The following LRFN2 variants were observed in gnomAD, a reference collection of about 807,000 sequenced individuals.
The protein encoded by LRFN2 is leucine-rich repeat and fibronectin type-III domain-containing protein 2.
LRFN2 carries 18 observed loss-of-function variants against 37.3 expected under a neutral mutation model. The observed-to-expected ratio is 0.48, with a 90% CI of 0.33 to 0.72. The LOEUF (loss-of-function observed/expected upper bound fraction) is 0.72, where lower values mean the gene tolerates loss of function less well. Ranked by LOEUF, LRFN2 falls within the 30% of genes least tolerant of loss-of-function variation. The pLI, the probability that LRFN2 is intolerant of heterozygous loss-of-function variation, is 0.02. For synonymous variants in LRFN2, 556 were observed against 466.6 expected (o/e 1.19, Z -2.47); for missense variants, 1,006 against 1,060.7 (o/e 0.95, Z 0.72).
chr6:40,571,047 C>T (rs941531894), intron 1 of LRFN2, among the ~76,000 whole-genome samples: 1 of 152,182 alleles, frequency 6.6e-6, no homozygotes, highest in Non-Finnish European at 1.5e-5. Flanking sequence ...TAGCAAGAGG[C>T]CCCGGAAGCA....
At chr6:40,476,832 A>G (rs11967696) in intron 1 of LRFN2, among the ~76,000 whole-genome samples, 21,315 of 152,220 alleles carry the variant, frequency 0.14, 3,391 homozygotes, top group African/African-American at 0.39. Flanking sequence ...TTGGTGGCCC[A>G]ATGGACATCT....
intron 1 of LRFN2, among the ~76,000 whole-genome samples, chr6:40,516,136 C>T (rs1765865293): frequency 6.6e-6 from 1 of 152,006 alleles, no homozygotes; most frequent in Admixed American, 6.6e-5. Context: ...ATTACTTAGA[C>T]TCAAACTCTG....
intron 1 of LRFN2, among the ~76,000 whole-genome samples, chr6:40,562,831 T>TCACACACACACA (rs71543995): frequency 9.0e-5 from 13 of 144,048 alleles, no homozygotes; most frequent in African/African-American, 1.9e-4. Context: ...GTGCGTGCAC[T>TCACACACACACA]CACTCACACA....
chr6:40,505,315 A>G (rs1765503645), intron 1 of LRFN2, among the ~76,000 whole-genome samples: 1 of 152,158 alleles, frequency 6.6e-6, no homozygotes, highest in Non-Finnish European at 1.5e-5. Flanking sequence ...TTGCTTTTTA[A>G]TCATCCTCTA....
At chr6:40,579,637 C>T (rs907849510) in intron 1 of LRFN2, among the ~76,000 whole-genome samples, 4 of 151,560 alleles carry the variant, frequency 2.6e-5, no homozygotes, top group African/African-American at 7.3e-5. Context: ...CACACACACA[C>T]GAGAATGCAG....
At chr6:40,484,358 A>G (rs1764902965) in intron 1 of LRFN2, among the ~76,000 whole-genome samples, 1 of 152,142 alleles carries the variant, frequency 6.6e-6, no homozygotes, top group African/African-American at 2.4e-5. Flanking sequence ...GCCCAAACTA[A>G]GGAGCAAGGA....
At chr6:40,555,021 A>G (rs2113925172) in intron 1 of LRFN2, among the ~76,000 whole-genome samples, 1 of 152,356 alleles carries the variant, frequency 6.6e-6, no homozygotes, top group South Asian at 2.1e-4. Flanking sequence ...CCTGACCTCT[A>G]ACATAACTCT....
Position 40,583,577 on chromosome 6 carries a change from A to G in LRFN2, c.-19+3364T>C, listed in dbSNP as rs367697177. Among the ~76,000 whole-genome samples, 65 of 152,338 alleles carry G rather than the reference A, an allele frequency of 4.3e-4. No individual in the cohort carries two copies. In the South Asian group the frequency reaches 6.0e-3, roughly 14 times the overall value. ...CTTAAAGAGAAAGGGTCACAAATAT[A>G]GCTGTGAGTGCTAAAGGGCTTGTCC... is the stretch of plus-strand genomic sequence containing the variant. On this transcript the variant is annotated intron_variant, in intron 1 of 2. Transcript: ENST00000338305.
At chr6:40,415,459 C>G (rs1000821781) in intron 2 of LRFN2, among the ~76,000 whole-genome samples, 2 of 152,114 alleles carry the variant, frequency 1.3e-5, no homozygotes. Context: ...CTCCTGACCT[C>G]AGGTGATCCA....
In LRFN2 at chr6:40,392,276, T is replaced by A; in HGVS notation, c.2037A>T (p.Pro679=). ...RKEELLDSRT[P]AGRGAGTSAR... ...CCGACGTCCCAGCCCCTCTCCCGGC[T>A]GGAGTCCTGGAGTCCAGCAGCTCCT... Residue 679 remains proline (P), a synonymous_variant, in exon 3 of 3, where the codon CCA becomes CCT. Transcript: ENST00000338305. The surrounding 1 kb of genome is among the most constrained non-coding windows in gnomAD (Gnocchi z 4.7). 2 of 1,602,204 alleles carry A rather than the reference T, an allele frequency of 1.2e-6. No homozygotes were observed. Among genetic ancestry groups the A allele is most frequent in the Non-Finnish European group, 1.7e-6 (2 of 1,175,382 alleles).
chr6:40,488,385 C>T (rs1412796798), intron 1 of LRFN2, among the ~76,000 whole-genome samples: 1 of 151,968 alleles, frequency 6.6e-6, no homozygotes, highest in Non-Finnish European at 1.5e-5. Flanking sequence ...TTCCCTCTGC[C>T]TTGCTCCTTC....
intron 2 of LRFN2, among the ~76,000 whole-genome samples, chr6:40,413,858 G>A (rs76857400): frequency 0.013 from 1,964 of 152,288 alleles, 43 homozygotes; most frequent in African/African-American, 0.045. Flanking sequence ...TGGGTGGGAT[G>A]GGTGGGTCTG....
At chr6:40,443,768 G>T (rs2113836204) in intron 1 of LRFN2, among the ~76,000 whole-genome samples, 1 of 152,284 alleles carries the variant, frequency 6.6e-6, no homozygotes, top group East Asian at 1.9e-4. Context: ...ATGTGGGCAG[G>T]GTGGGGGAAC....
At chr6:40,584,842 G>T (rs1767474061) in intron 1 of LRFN2, among the ~76,000 whole-genome samples, 2 of 151,670 alleles carry the variant, frequency 1.3e-5, no homozygotes, top group African/African-American at 2.4e-5. Context: ...TGGAGCTGAA[G>T]CAAAGATAAG....
At chr6:40,552,780 A>AT (rs1766800754) in intron 1 of LRFN2, among the ~76,000 whole-genome samples, 1 of 152,182 alleles carries the variant, frequency 6.6e-6, no homozygotes, top group African/African-American at 2.4e-5. Flanking sequence ...CCCAGCAACT[A>AT]TTTTTTTCAT....
chr6:40,424,320 G>A (rs1021839364), intron 2 of LRFN2, among the ~76,000 whole-genome samples: 3 of 152,180 alleles, frequency 2.0e-5, no homozygotes, highest in African/African-American at 7.2e-5. Flanking sequence ...TTCCCCAGAA[G>A]GAGAAATTAC....
chr6:40,579,133 C>T (rs996743938), intron 1 of LRFN2, among the ~76,000 whole-genome samples: 2 of 152,218 alleles, frequency 1.3e-5, no homozygotes, highest in Non-Finnish European at 2.9e-5. Flanking sequence ...CCAGCATCCT[C>T]ATTCACAGAT....
At chr6:40,449,997 TC>T (rs1764065505) in intron 1 of LRFN2, among the ~76,000 whole-genome samples, 3 of 152,230 alleles carry the variant, frequency 2.0e-5, no homozygotes, top group African/African-American at 7.2e-5. Context: ...TAAGGTGGCA[TC>T]CCAGCCCCCT....
intron 1 of LRFN2, among the ~76,000 whole-genome samples, chr6:40,549,858 C>CA (rs1325345625): frequency 1.3e-5 from 2 of 151,664 alleles, no homozygotes; most frequent in African/African-American, 2.4e-5. Context: ...GCCAACATGG[C>CA]AAAAAAACCC....
Sources: allele counts gnomAD v4.1 joint callset (sites outside exome capture counted in the v4.1 genomes callset), GRCh38; gene constraint gnomAD v4.1.1; non-coding constraint Gnocchi (gnomAD v3.1); transcripts MANE v1.5; gene names NCBI Gene and HGNC (gene_info 2026-07-23, HGNC 2026-07-21).